Variants in CRYL1 observed in about 807,000 individuals in gnomAD.
CRYL1 encodes the protein lambda-crystallin homolog.
In CRYL1, 29 loss-of-function variants were observed where a neutral mutation model predicts 36.6. The observed-to-expected ratio is 0.79, with a 90% CI of 0.59 to 1.08. The LOEUF is 1.08. Among genes scored for constraint, CRYL1 ranks in the 50% least tolerant of loss-of-function variants. The pLI, the probability that CRYL1 is intolerant of heterozygous loss-of-function variation, is 0.00. For synonymous variants in CRYL1, 152 were observed against 151.5 expected (o/e 1.00, Z -0.02); for missense variants, 411 against 407.9 (o/e 1.01, Z -0.06).
intron 5 of CRYL1, chr13:20,430,789 A>G: frequency 1.0e-6 from 1 of 985,446 alleles, no homozygotes; most frequent in South Asian, 4.7e-5. Flanking sequence ...TTAATTCAAC[A>G]AGTGAACATG....
intron 3 of CRYL1, among the ~76,000 whole-genome samples, chr13:20,469,989 G>T (rs978821178): frequency 6.6e-6 from 1 of 152,208 alleles, no homozygotes; most frequent in Non-Finnish European, 1.5e-5. Context: ...GACTAAGTTC[G>T]CTAATTTACG....
At chr13:20,451,073 G>A (rs9509217) in intron 3 of CRYL1, among the ~76,000 whole-genome samples, 13 of 135,694 alleles carry the variant, frequency 9.6e-5, no homozygotes, top group Admixed American at 8.3e-4. Context: ...GGTGGGGGGA[G>A]GGGGGAGGGA....
In CRYL1 at chr13:20,525,673, CCGAGGGCCCCACG is replaced by C. The variant is rs778061705; in HGVS notation, c.41+68_41+80del. On this transcript the variant is annotated intron_variant, in intron 1 of 7. Transcript: ENST00000298248. The surrounding 1 kb of genome is among the most constrained non-coding windows in gnomAD (Gnocchi z 4.3). ...CGGGGACAGCGACCCGGCGCCCACC[CCGAGGGCCCCACG>C]CGAGGGCACCACGTCCCCGGCGTCT... The C allele has an allele frequency of 8.4e-7, 1 of 1,186,608 alleles. No homozygotes were observed. 73.5% of individuals were successfully genotyped at this position (1,186,608 alleles called of 1,614,324 possible).
chr13:20,452,798 C>T lies in CRYL1; in HGVS notation c.277-13044G>A, dbSNP rs553913353. Among the ~76,000 whole-genome samples the T allele has an allele frequency of 4.6e-5, 7 of 152,182 alleles. No homozygotes were observed. The South Asian group carries it at 6.2e-4, about 14-fold the overall frequency. Reference sequence around the variant, plus strand: ...CTGATAATGGGGGAGGCTATACATGCGTAGGGGCAGAGGCTTTATGGGAAA... The same window carrying T: ...CTGATAATGGGGGAGGCTATACATGTGTAGGGGCAGAGGCTTTATGGGAAA... On this transcript the variant is annotated intron_variant, in intron 3 of 7. Coordinates refer to ENST00000298248, the MANE Select transcript of CRYL1 (RefSeq NM_015974.3).
chr13:20,417,172 T>C (rs2031689998), intron 5 of CRYL1, among the ~76,000 whole-genome samples: 1 of 152,208 alleles, frequency 6.6e-6, no homozygotes, highest in South Asian at 2.1e-4. Context: ...CTGCACTTGG[T>C]GCTGAACTAA....
At chr13:20,488,361 A>G (rs2033442039) in intron 3 of CRYL1, among the ~76,000 whole-genome samples, 1 of 152,200 alleles carries the variant, frequency 6.6e-6, no homozygotes, top group Non-Finnish European at 1.5e-5. Context: ...GAGATAGAGG[A>G]TAATATATTA....
chr13:20,512,825 G>A (rs555125898), intron 1 of CRYL1, among the ~76,000 whole-genome samples: 1 of 152,250 alleles, frequency 6.6e-6, no homozygotes, highest in South Asian at 2.1e-4. Context: ...AAGAGAGGTT[G>A]GTGAGTGGGT....
intron 3 of CRYL1, among the ~76,000 whole-genome samples, chr13:20,478,103 G>A (rs2033202636): frequency 6.6e-6 from 1 of 151,312 alleles, no homozygotes; most frequent in South Asian, 2.1e-4. Context: ...AAATACTCTA[G>A]AAAAAATGAC....
At chr13:20,508,877 AAAAAAAAAAAAC>A (rs1477486236) in intron 2 of CRYL1, among the ~76,000 whole-genome samples, 3 of 13,216 alleles carry the variant, frequency 2.3e-4, no homozygotes, top group African/African-American at 4.5e-4. Flanking sequence ...AAAAAAAAAC[AAAAAAAAAAAAC>A]TGACAACAAC....
In CRYL1 at chr13:20,512,525, T is replaced by A; in HGVS notation, c.67A>T (p.Met23Leu). The change falls in exon 2 of 8, where the codon ATG (methionine) becomes TTG (leucine). Residue 23 changes from methionine (M) to leucine (L), a missense_variant. Coordinates refer to ENST00000298248, the MANE Select transcript of CRYL1 (RefSeq NM_015974.3). ...GSGVIGRSWA[M>L]LFASGGFQVK... Reference sequence around the variant, plus strand: ...TGGAAGCCTCCACTGGCAAACAGCATGGCCCAGCTTCGCCCAATGACTCCA... The same window carrying A: ...TGGAAGCCTCCACTGGCAAACAGCAAGGCCCAGCTTCGCCCAATGACTCCA... The A allele has an allele frequency of 6.2e-7, 1 of 1,614,034 alleles. No individual in the cohort carries two copies.
intron 3 of CRYL1, among the ~76,000 whole-genome samples, chr13:20,445,233 C>T (rs1169358966): frequency 6.6e-6 from 1 of 152,164 alleles, no homozygotes; most frequent in Non-Finnish European, 1.5e-5. Context: ...ACACTTGGCA[C>T]CACTTTTACC....
intron 5 of CRYL1, chr13:20,427,105 G>C: frequency 2.0e-6 from 2 of 985,464 alleles, no homozygotes; most frequent in Non-Finnish European, 2.4e-6. Flanking sequence ...CCAGCCAAAA[G>C]TCTATTGTCA....
intron 5 of CRYL1, among the ~76,000 whole-genome samples, chr13:20,413,894 G>C (rs935486204): frequency 6.6e-6 from 1 of 152,088 alleles, no homozygotes; most frequent in Non-Finnish European, 1.5e-5. Flanking sequence ...GTTATAAATG[G>C]CTTGGCGTGG....
At chr13:20,483,431 G>GTGATCCTCCCACCTCAGCCTC (rs2033319663) in intron 3 of CRYL1, among the ~76,000 whole-genome samples, 1 of 152,014 alleles carries the variant, frequency 6.6e-6, no homozygotes, top group South Asian at 2.1e-4. Flanking sequence ...CTGGGTTCAC[G>GTGATCCTCCCACCTCAGCCTC]CCATCTGGAC....
At chr13:20,456,436 C>CTGCACT (rs1220303506) in intron 3 of CRYL1, among the ~76,000 whole-genome samples, 2 of 147,970 alleles carry the variant, frequency 1.4e-5, no homozygotes, top group Admixed American at 6.8e-5. Flanking sequence ...GATTCCACCA[C>CTGCACT]TGCACTCCAT....
chr13:20,464,471 G>A (rs2032893330), intron 3 of CRYL1, among the ~76,000 whole-genome samples: 1 of 152,298 alleles, frequency 6.6e-6, no homozygotes, highest in South Asian at 2.1e-4. Context: ...CTGATTGTTA[G>A]AAATATGTAC....
At chr13:20,482,238 A>C (rs1276760437) in intron 3 of CRYL1, among the ~76,000 whole-genome samples, 1 of 152,230 alleles carries the variant, frequency 6.6e-6, no homozygotes, top group African/African-American at 2.4e-5. Flanking sequence ...GATCATCTAC[A>C]TAGACAATAT....
chr13:20,422,520 A>T (rs542934846), intron 5 of CRYL1, among the ~76,000 whole-genome samples: 16 of 152,322 alleles, frequency 1.1e-4, no homozygotes, highest in Non-Finnish European at 2.1e-4. Context: ...GCTCCCTTGC[A>T]CCTCCAGCCA....
chr13:20,508,875 A>AAAC (rs1491583448), intron 2 of CRYL1, among the ~76,000 whole-genome samples: 4 of 13,900 alleles, frequency 2.9e-4, no homozygotes, highest in South Asian at 3.4e-3. Flanking sequence ...AAAAAAAAAA[A>AAAC]CAAAAAAAAA....
Sources: allele counts gnomAD v4.1 joint callset (sites outside exome capture counted in the v4.1 genomes callset), GRCh38; gene constraint gnomAD v4.1.1; non-coding constraint Gnocchi (gnomAD v3.1); transcripts MANE v1.5; gene names NCBI Gene and HGNC (gene_info 2026-07-23, HGNC 2026-07-21).